Variants in AUTS2 observed in about 807,000 individuals in gnomAD.
AUTS2 encodes autism susceptibility gene 2 protein.
Under a neutral mutation model 112.4 loss-of-function variants are expected in AUTS2, and 17 were observed. The observed-to-expected ratio is 0.15, with a 90% CI of 0.10 to 0.23. The LOEUF is 0.23. AUTS2 is among the 10% of genes least tolerant of loss of function. The probability of loss-of-function intolerance (pLI) is 1.00; values close to 1 mark genes in which losing one functional copy is unlikely to be tolerated. For missense variants in AUTS2, 1,510 were observed against 1,701.6 expected, an observed-to-expected ratio of 0.89 and a Z score of 1.98; for synonymous variants, 751 against 702.7, an observed-to-expected ratio of 1.07 and a Z score of -1.09.
At chr7:70,430,073 A>G in intron 4 of AUTS2, among the ~76,000 whole-genome samples, 1 of 152,210 alleles carries the variant, frequency 6.6e-6, no homozygotes, top group East Asian at 1.9e-4. Context: ...TGTAATGACA[A>G]AATAAAACCC....
intron 4 of AUTS2, among the ~76,000 whole-genome samples, chr7:70,237,998 T>C (rs1490615157): frequency 6.6e-6 from 1 of 152,230 alleles, no homozygotes; most frequent in Non-Finnish European, 1.5e-5. Context: ...GCTCTATTGT[T>C]GCTGCAAGTC....
chr7:70,110,626 G>C (rs1356369814), intron 2 of AUTS2, among the ~76,000 whole-genome samples: 1 of 152,100 alleles, frequency 6.6e-6, no homozygotes, highest in African/African-American at 2.4e-5. Flanking sequence ...GCAGCTGGAA[G>C]CACTTCAGTC....
intron 1 of AUTS2, among the ~76,000 whole-genome samples, chr7:69,657,921 C>G (rs1562790813): frequency 6.6e-6 from 1 of 152,220 alleles, no homozygotes; most frequent in Non-Finnish European, 1.5e-5. Context: ...ATGCTTGGCA[C>G]CTGGGCCAGG....
At chr7:70,370,797 A>G (rs1036218669) in intron 4 of AUTS2, among the ~76,000 whole-genome samples, 20 of 152,142 alleles carry the variant, frequency 1.3e-4, no homozygotes, top group African/African-American at 3.4e-4. Flanking sequence ...TCAGCAGTGT[A>G]TGAGTGTTCT....
chr7:70,486,874 CGTTT>C (rs1462014925), intron 5 of AUTS2, among the ~76,000 whole-genome samples: 1 of 142,080 alleles, frequency 7.0e-6, no homozygotes, highest in Non-Finnish European at 1.5e-5. Context: ...CTTTTGGTTT[CGTTT>C]GTTTTGTTGT....
chr7:69,888,039 A>G (rs1265845608), intron 1 of AUTS2, among the ~76,000 whole-genome samples: 1 of 152,180 alleles, frequency 6.6e-6, no homozygotes, highest in East Asian at 1.9e-4. Flanking sequence ...GGCTAGGTGC[A>G]GTGGCTCATG....
At chr7:69,802,359 A>G (rs1004828042) in intron 1 of AUTS2, among the ~76,000 whole-genome samples, 1 of 152,102 alleles carries the variant, frequency 6.6e-6, no homozygotes, top group Non-Finnish European at 1.5e-5. Context: ...TTTTTCCTTC[A>G]GGGCACAGTG....
chr7:70,765,994 C>T (rs1789914107), intron 8 of AUTS2, 120 bp from the exon 9 acceptor site: 5 of 1,473,726 alleles, frequency 3.4e-6, no homozygotes, highest in East Asian at 4.8e-5. Context: ...TCTCAGGGCC[C>T]AGCCACACCC....
At chr7:70,528,106 T>TA (rs1554421871) in intron 5 of AUTS2, among the ~76,000 whole-genome samples, 2,029 of 62,536 alleles carry the variant, frequency 0.032, 41 homozygotes, top group African/African-American at 0.088. Flanking sequence ...TTTTTTTTTT[T>TA]TTTTTTTTTT....
intron 4 of AUTS2, among the ~76,000 whole-genome samples, chr7:70,257,636 T>G (rs1174563363): frequency 2.0e-5 from 3 of 151,544 alleles, no homozygotes; most frequent in Non-Finnish European, 4.4e-5. Flanking sequence ...TTTTTTTTTT[T>G]TTGTAGAGAC....
chr7:69,835,555 G>A (rs115551634), intron 1 of AUTS2, among the ~76,000 whole-genome samples: 1 of 152,098 alleles, frequency 6.6e-6, no homozygotes, highest in Non-Finnish European at 1.5e-5. Flanking sequence ...TTGAAGATTT[G>A]TGTCAAGAGA....
At chr7:69,841,665 G>C (rs769141743) in intron 1 of AUTS2, among the ~76,000 whole-genome samples, 11 of 152,176 alleles carry the variant, frequency 7.2e-5, no homozygotes, top group Non-Finnish European at 1.6e-4. Flanking sequence ...GAAACAAATT[G>C]CTGGTGGGTA....
intron 6 of AUTS2, among the ~76,000 whole-genome samples, chr7:70,737,440 T>C (rs894855414): frequency 6.6e-5 from 10 of 152,376 alleles, no homozygotes; most frequent in African/African-American, 2.4e-4. Flanking sequence ...AATTTATTTT[T>C]GAAACCCAGT....
rs116783766 is a variant in AUTS2, at chr7:69,908,173, T to A, written c.522+8675T>A. 2.9e-3 allele frequency among the ~76,000 whole-genome samples: 445 copies of A among 152,316 alleles called. 5 individuals carry two copies. Among genetic ancestry groups the A allele is most frequent in the African/African-American group, 0.01 (431 of 41,566 alleles). ...GCTGAATTATACGCTTTCACTACTATCACTCTTTGCTCTTAGAGAGCCCCC... is the reference window on the plus strand; with the variant it reads ...GCTGAATTATACGCTTTCACTACTAACACTCTTTGCTCTTAGAGAGCCCCC... On this transcript the variant is annotated intron_variant, in intron 2 of 18. Coordinates refer to ENST00000342771, the MANE Select transcript of AUTS2 (RefSeq NM_015570.4).
chr7:69,709,186 A>T (rs1798196592), intron 1 of AUTS2, among the ~76,000 whole-genome samples: 1 of 152,178 alleles, frequency 6.6e-6, no homozygotes, highest in Non-Finnish European at 1.5e-5. Flanking sequence ...AGGGCAGAGG[A>T]GAGGTTTAGA....
intron 2 of AUTS2, among the ~76,000 whole-genome samples, chr7:70,111,323 A>G (rs920778754): frequency 2.4e-4 from 37 of 152,188 alleles, no homozygotes; most frequent in Non-Finnish European, 2.4e-4. Flanking sequence ...TGACCTAATC[A>G]AGTGAACTAT....
intron 2 of AUTS2, among the ~76,000 whole-genome samples, chr7:70,031,536 A>G (rs181509961): frequency 6.6e-6 from 1 of 152,182 alleles, no homozygotes; most frequent in Admixed American, 6.6e-5. Context: ...TCTGCTTTAT[A>G]AAAAGAATTA....
intron 4 of AUTS2, among the ~76,000 whole-genome samples, chr7:70,228,397 TG>T (rs956868507): frequency 6.6e-6 from 1 of 151,860 alleles, no homozygotes; most frequent in African/African-American, 2.4e-5. Flanking sequence ...CTCTTTTTTT[TG>T]AATTTTAAAT....
At chr7:69,846,726 A>C (rs1001885719) in intron 1 of AUTS2, among the ~76,000 whole-genome samples, 2 of 152,126 alleles carry the variant, frequency 1.3e-5, no homozygotes, top group African/African-American at 4.8e-5. Flanking sequence ...GGTGTGTGCC[A>C]CCATGTCCAG....
Sources: allele counts gnomAD v4.1 joint callset (sites outside exome capture counted in the v4.1 genomes callset), GRCh38; gene constraint gnomAD v4.1.1; transcripts MANE v1.5; gene names NCBI Gene and HGNC (gene_info 2026-07-23, HGNC 2026-07-21).